The following SYT14 variants were observed in gnomAD, a reference collection of about 807,000 sequenced individuals.
SYT14 encodes synaptotagmin-14.
A neutral mutation model predicts 74.2 loss-of-function variants in SYT14; 32 were observed. The observed-to-expected ratio is 0.43, with a 90% CI of 0.33 to 0.58. The LOEUF (loss-of-function observed/expected upper bound fraction) is 0.58. SYT14 is among the 20% of genes least tolerant of loss of function. The pLI is 0.05. For missense variants in SYT14, 791 were observed against 981.8 expected (o/e 0.81, Z 2.60); for synonymous variants, 298 against 337.7 (o/e 0.88, Z 1.29).
chr1:209,981,051 A>G (rs190526054), intron 2 of SYT14, among the ~76,000 whole-genome samples: 158 of 152,276 alleles, frequency 1.0e-3, no homozygotes, highest in African/African-American at 3.6e-3. Flanking sequence ...ATGAATTTTC[A>G]TGACATTGAT....
intron 2 of SYT14, among the ~76,000 whole-genome samples, chr1:209,980,823 A>G (rs561574963): frequency 1.3e-5 from 2 of 152,194 alleles, no homozygotes. Flanking sequence ...TTCTTGTACC[A>G]GTACCAAGCT....
exon 4 of SYT14, chr1:210,016,522 A>T: frequency 8.1e-7 from 1 of 1,232,072 alleles, no homozygotes; most frequent in African/African-American, 1.5e-5. Context: ...GTACTGACAG[A>T]TGTAAAACAA....
intron 1 of SYT14, among the ~76,000 whole-genome samples, chr1:209,939,415 G>C (rs897054773): frequency 6.6e-6 from 1 of 152,192 alleles, no homozygotes; most frequent in African/African-American, 2.4e-5. Flanking sequence ...CTTTTTGTCG[G>C]ATCATGTGGA....
rs534495533 is a variant in SYT14, at chr1:210,019,931, T to C, written c.1097-1108T>C. The stretch of plus-strand genomic sequence containing the variant: ...GTGCTTTTTAGAACAATAAAAAATT[T>C]AGACCTCCTGAAAGTTTTGTTTGAA... On this transcript the variant is annotated intron_variant, in intron 4 of 9. Coordinates refer to ENST00000637265, the Ensembl canonical transcript of SYT14. Among the ~76,000 whole-genome samples the C allele has an allele frequency of 7.9e-5, 12 of 152,328 alleles. No individual in the cohort carries two copies. The East Asian group carries it at 1.4e-3, about 17-fold the overall frequency.
intron 5 of SYT14, among the ~76,000 whole-genome samples, chr1:210,033,413 G>A (rs927827566): frequency 4.6e-5 from 7 of 151,656 alleles, no homozygotes; most frequent in Admixed American, 3.3e-4. Context: ...AAAATCTTTC[G>A]TCTAAGCAGT....
At chr1:210,132,567 T>TTGTG (rs3031264) in intron 7 of SYT14, among the ~76,000 whole-genome samples, 4,353 of 145,026 alleles carry the variant, frequency 0.03, 164 homozygotes, top group African/African-American at 0.081. Context: ...ATTTTATATA[T>TTGTG]TGTGTGTGTG....
At chr1:210,106,200 A>C (rs959161370) in intron 7 of SYT14, among the ~76,000 whole-genome samples, 48 of 152,228 alleles carry the variant, frequency 3.2e-4, no homozygotes, top group African/African-American at 1.2e-3. Flanking sequence ...TGCTCTTGGG[A>C]TTCATACTTG....
intron 2 of SYT14, among the ~76,000 whole-genome samples, chr1:209,996,481 A>G (rs1024933868): frequency 6.6e-6 from 1 of 152,132 alleles, no homozygotes; most frequent in African/African-American, 2.4e-5. Context: ...AACCAAAACA[A>G]AAAAGACCTG....
At position 210,021,023 on chromosome 1, in the gene SYT14, A is replaced by G; in HGVS notation, c.1097-16A>G. On this transcript the variant is annotated splice_polypyrimidine_tract_variant and intron_variant, in intron 4 of 9. Coordinates refer to ENST00000637265, the Ensembl canonical transcript of SYT14. ...TTTTTTCAATTACCGTTTGTTCTTC[A>G]TGTCATTCCAAATAGATAATTCCTA... is the stretch of plus-strand genomic sequence containing the variant. 1 of 1,612,232 alleles carries G rather than the reference A, an allele frequency of 6.2e-7. No homozygotes were observed. Among genetic ancestry groups the G allele is most frequent in the East Asian group, 2.2e-5 (1 of 44,800 alleles).
At position 210,001,704 on chromosome 1, in the gene SYT14, G is replaced by A. The variant is rs79307890; in HGVS notation, c.-485-11929G>A. ...TGTTAATGGGTTGCATTTTAAAATA[G>A]GGTTGACAGAGTTGCTCTTATTAAG... is the stretch of plus-strand genomic sequence containing the variant. On this transcript the variant is annotated intron_variant, in intron 2 of 9. Transcript: ENST00000637265. 1.7e-3 allele frequency among the ~76,000 whole-genome samples: 262 copies of A among 152,244 alleles called. 2 individuals carry two copies. The East Asian group carries it at 0.028, about 16-fold the overall frequency.
intron 7 of SYT14, among the ~76,000 whole-genome samples, chr1:210,124,024 C>T (rs1046844541): frequency 1.2e-4 from 18 of 152,170 alleles, no homozygotes; most frequent in African/African-American, 2.9e-4. Context: ...AGGGTCAGTA[C>T]GAGGATTGGC....
At chr1:209,946,312 C>G (rs1241041682) in intron 1 of SYT14, among the ~76,000 whole-genome samples, 1 of 152,196 alleles carries the variant, frequency 6.6e-6, no homozygotes, top group Non-Finnish European at 1.5e-5. Flanking sequence ...CTGAGACTGG[C>G]CAAAAGCTAG....
chr1:210,114,079 C>T lies in SYT14; in HGVS notation c.2034+13618C>T, dbSNP rs1304786496. Reference sequence around the variant, plus strand: ...CAATCGGGCAGTGTCAGTCTTCAGCCGCTATGCCGAGAAGATCTGGGAAGG... The same window carrying T: ...CAATCGGGCAGTGTCAGTCTTCAGCTGCTATGCCGAGAAGATCTGGGAAGG... On this transcript the variant is annotated intron_variant, in intron 7 of 9. Coordinates refer to ENST00000637265, the Ensembl canonical transcript of SYT14. 1.3e-5 allele frequency among the ~76,000 whole-genome samples: 2 copies of T among 151,340 alleles called. 1 individual carries two copies. The highest frequency in any genetic ancestry group is 2.9e-5 in the Non-Finnish European group (2 of 68,038).
intron 2 of SYT14, chr1:209,966,015 T>A: frequency 4.5e-6 from 2 of 441,704 alleles, no homozygotes; most frequent in Non-Finnish European, 9.0e-6. Flanking sequence ...GGACTACAGG[T>A]GCGTGCCCAC....
intron 7 of SYT14, among the ~76,000 whole-genome samples, chr1:210,146,407 T>C (rs1019919944): frequency 3.9e-5 from 6 of 152,082 alleles, no homozygotes; most frequent in African/African-American, 1.4e-4. Flanking sequence ...ACAAATAAAA[T>C]GAATTAGGAT....
At chr1:209,969,548 C>T (rs756428352) in intron 2 of SYT14, among the ~76,000 whole-genome samples, 5 of 137,150 alleles carry the variant, frequency 3.6e-5, no homozygotes, top group Non-Finnish European at 7.5e-5. Flanking sequence ...AGTGCAGTGG[C>T]GTGATCTCGG....
intron 7 of SYT14, among the ~76,000 whole-genome samples, chr1:210,104,325 G>A (rs1031091602): frequency 4.6e-5 from 7 of 152,254 alleles, no homozygotes; most frequent in East Asian, 1.9e-4. Flanking sequence ...CATTAACTTG[G>A]TTCTTTATTC....
Position 210,088,370 on chromosome 1 carries a change from C to A in SYT14, c.1313-5952C>A, listed in dbSNP as rs114730549. Reference sequence around the variant, plus strand: ...CCCTAGCCTCCCACTTGCTGACAGGCCGTGGTGTGTGATGTTCCCCTCCCT... The same window carrying A: ...CCCTAGCCTCCCACTTGCTGACAGGACGTGGTGTGTGATGTTCCCCTCCCT... On this transcript the variant is annotated intron_variant, in intron 5 of 9. Coordinates refer to ENST00000637265, the Ensembl canonical transcript of SYT14. Among the ~76,000 whole-genome samples the A allele has an allele frequency of 2.9e-3, 444 of 152,006 alleles. 4 individuals carry two copies. The highest frequency in any genetic ancestry group is 9.9e-3 in the African/African-American group (411 of 41,490).
At chr1:210,166,700 A>G (rs1007280409) in exon 10 of SYT14, 21 of 152,154 alleles carry the variant, frequency 1.4e-4, no homozygotes, top group Admixed American at 1.1e-3. Context: ...ACCTCCAGAG[A>G]TTCTACTTCA....
Sources: allele counts gnomAD v4.1 joint callset (sites outside exome capture counted in the v4.1 genomes callset), GRCh38; gene constraint gnomAD v4.1.1; transcripts MANE v1.5; gene names NCBI Gene and HGNC (gene_info 2026-07-23, HGNC 2026-07-21).